ITGA8: variants seen among roughly 807,000 people sequenced by gnomAD.
The protein encoded by ITGA8 is integrin subunit alpha 8, also known as integrin alpha-8.
Under a neutral mutation model 142.3 loss-of-function variants are expected in ITGA8, and 91 were observed. The ratio of observed to expected loss-of-function variants is 0.64; its 90% CI spans 0.54 to 0.76. ITGA8 has a LOEUF of 0.76. Ranked by LOEUF, ITGA8 falls within the 30% of genes least tolerant of loss-of-function variation. The pLI, the probability that ITGA8 is intolerant of heterozygous loss-of-function variation, is 0.00. For missense variants in ITGA8, 1,406 were observed against 1,327.7 expected (o/e 1.06, Z -0.92); for synonymous variants, 505 against 485.2 (o/e 1.04, Z -0.54).
chr10:15,557,390 A>G (rs1209227779), intron 26 of ITGA8, among the ~76,000 whole-genome samples: 1 of 152,174 alleles, frequency 6.6e-6, no homozygotes, highest in East Asian at 1.9e-4. Flanking sequence ...CGAACAAACA[A>G]AAAAAGTGCT....
At chr10:15,565,573 A>ATTTTTT (rs71374633) in intron 25 of ITGA8, among the ~76,000 whole-genome samples, 629 of 34,824 alleles carry the variant, frequency 0.018, 125 homozygotes, top group Non-Finnish European at 0.023. Context: ...TCATGTCCTG[A>ATTTTTT]TTTTTTTTTT....
At chr10:15,658,004 A>G (rs1834218487) in intron 10 of ITGA8, among the ~76,000 whole-genome samples, 1 of 152,222 alleles carries the variant, frequency 6.6e-6, no homozygotes, top group South Asian at 2.1e-4. Context: ...GCACATGGGA[A>G]TTTAGTGGCT....
intron 3 of ITGA8, among the ~76,000 whole-genome samples, chr10:15,687,707 T>G (rs1158174776): frequency 6.6e-6 from 1 of 152,226 alleles, no homozygotes; most frequent in Non-Finnish European, 1.5e-5. Context: ...TTGAAATATT[T>G]GAAAATATTT....
At chr10:15,690,112 A>C (rs535665846) in intron 2 of ITGA8, among the ~76,000 whole-genome samples, 3 of 152,130 alleles carry the variant, frequency 2.0e-5, no homozygotes, top group Non-Finnish European at 2.9e-5. Flanking sequence ...AAATGGCAGC[A>C]GCACCCACCT....
At chr10:15,600,771 A>T (rs1833090724) in intron 20 of ITGA8, among the ~76,000 whole-genome samples, 1 of 152,166 alleles carries the variant, frequency 6.6e-6, no homozygotes, top group Non-Finnish European at 1.5e-5. Flanking sequence ...TGGGCAAAAG[A>T]TCATGGCAGC....
Position 15,657,509 on chromosome 10 carries a change from C to CTTTTTTTTTTTTTTTTTTTTTTTTTTTT in ITGA8, c.948+1489_948+1490insAAAAAAAAAAAAAAAAAAAAAAAAAAAA, listed in dbSNP as rs534714654. ...CTGCTGGTTTCTTTTTCTTTTCTTT[C>CTTTTTTTTTTTTTTTTTTTTTTTTTTTT]ATTTTTTTTTTTTTTTTTTTTTAAC... On this transcript the variant is annotated intron_variant, in intron 10 of 29. Transcript: ENST00000378076. Among the ~76,000 whole-genome samples the CTTTTTTTTTTTTTTTTTTTTTTTTTTTT allele has an allele frequency of 2.6e-5, 3 of 116,498 alleles. 1 individual carries two copies. The highest frequency in any genetic ancestry group is 3.5e-5 in the Non-Finnish European group (2 of 57,004). The allele number at this position is 116,498 out of a possible 152,430, so 76.4% of individuals were successfully genotyped here.
At chr10:15,567,146 C>A (rs1340453280) in intron 25 of ITGA8, among the ~76,000 whole-genome samples, 2 of 146,854 alleles carry the variant, frequency 1.4e-5, no homozygotes, top group East Asian at 2.0e-4. Flanking sequence ...CAGAGTAAGA[C>A]CCCATCTCAA....
chr10:15,574,048 C>G lies in ITGA8; in HGVS notation c.2478+1441G>C, dbSNP rs550646161. On this transcript the variant is annotated intron_variant, in intron 24 of 29. Transcript: ENST00000378076. The stretch of plus-strand genomic sequence containing the variant: ...TGTTGGCCAGGCTGGTCTTGAGCTT[C>G]TGGCCTGAAGTGCTTCTCCCACCTC... Among the ~76,000 whole-genome samples, 7 of 152,218 alleles carry G rather than the reference C, an allele frequency of 4.6e-5. No individual in the cohort carries two copies. The South Asian group carries it at 1.5e-3, about 32-fold the overall frequency.
chr10:15,562,632 A>C (rs1366863259), intron 25 of ITGA8, among the ~76,000 whole-genome samples: 4 of 152,170 alleles, frequency 2.6e-5, no homozygotes, highest in Non-Finnish European at 5.9e-5. Context: ...TAAAAACAGG[A>C]GATTGAATTG....
chr10:15,573,869 CTT>C (rs1469440021), intron 24 of ITGA8, among the ~76,000 whole-genome samples: 1 of 151,446 alleles, frequency 6.6e-6, no homozygotes, highest in Non-Finnish European at 1.5e-5. Context: ...CTAGCATTGA[CTT>C]TATTTAAAAA....
intron 23 of ITGA8, among the ~76,000 whole-genome samples, 195 bp from the exon 24 acceptor site, chr10:15,575,789 G>C (rs1244959286): frequency 6.6e-6 from 1 of 152,236 alleles, no homozygotes; most frequent in Non-Finnish European, 1.5e-5. Flanking sequence ...GAAACTGCTA[G>C]TGTAGGCTCT....
intron 4 of ITGA8, among the ~76,000 whole-genome samples, chr10:15,679,921 A>G (rs1194353748): frequency 6.6e-6 from 1 of 152,222 alleles, no homozygotes; most frequent in Non-Finnish European, 1.5e-5. Flanking sequence ...AATAGCCAAA[A>G]TGTAGTGAAT....
chr10:15,715,291 C>T (rs1328290377), intron 2 of ITGA8, among the ~76,000 whole-genome samples: 1 of 152,206 alleles, frequency 6.6e-6, no homozygotes, highest in East Asian at 1.9e-4. Flanking sequence ...TCCAACCCCT[C>T]TCTGGAGAAT....
intron 27 of ITGA8, among the ~76,000 whole-genome samples, chr10:15,535,043 C>A (rs11812336): frequency 6.6e-6 from 1 of 152,042 alleles, no homozygotes; most frequent in Non-Finnish European, 1.5e-5. Flanking sequence ...GTGAGTTCCG[C>A]GGGTGAGTGT....
At chr10:15,577,455 C>T (rs1483428962) in intron 23 of ITGA8, among the ~76,000 whole-genome samples, 1 of 152,026 alleles carries the variant, frequency 6.6e-6, no homozygotes. Context: ...CATGGGGGCT[C>T]CTAAGCTGCA....
rs965141245 is a variant in ITGA8 at position 15,712,690 on chromosome 10, C to T, written c.343+6076G>A. Among the ~76,000 whole-genome samples, 22 of 152,282 alleles carry T rather than the reference C, an allele frequency of 1.4e-4. No homozygotes were observed. In the South Asian group the frequency reaches 1.5e-3, roughly 10 times the overall value. ...AGGGCACCCCTGAGCTGAGCTTTTTCGTAAAGTTGGCAACTCTCTCCATCA... is the reference window on the plus strand; with the variant it reads ...AGGGCACCCCTGAGCTGAGCTTTTTTGTAAAGTTGGCAACTCTCTCCATCA... On this transcript the variant is annotated intron_variant, in intron 2 of 29. Transcript: ENST00000378076.
At chr10:15,603,562 G>A (rs1328490377) in intron 20 of ITGA8, among the ~76,000 whole-genome samples, 1 of 152,216 alleles carries the variant, frequency 6.6e-6, no homozygotes, top group African/African-American at 2.4e-5. Flanking sequence ...TAAGGACACT[G>A]CAGAACTGGA....
intron 25 of ITGA8, among the ~76,000 whole-genome samples, chr10:15,570,326 G>T (rs1340047604): frequency 1.3e-5 from 2 of 152,124 alleles, no homozygotes; most frequent in Non-Finnish European, 2.9e-5. Flanking sequence ...AATAAGTGGG[G>T]GCGGGGCGCA....
At chr10:15,717,871 C>T (rs1461178221) in intron 2 of ITGA8, among the ~76,000 whole-genome samples, 1 of 152,158 alleles carries the variant, frequency 6.6e-6, no homozygotes. Context: ...ACGCACTAAT[C>T]AAACAATTAA....
Sources: allele counts gnomAD v4.1 joint callset (sites outside exome capture counted in the v4.1 genomes callset), GRCh38; gene constraint gnomAD v4.1.1; transcripts MANE v1.5; gene names NCBI Gene and HGNC (gene_info 2026-07-23, HGNC 2026-07-21).